HERC5: variants seen among roughly 807,000 people sequenced by gnomAD.
HERC5 encodes the protein HECT and RLD domain containing E3 ubiquitin protein ligase 5.
In HERC5, 99 loss-of-function variants were observed where a neutral mutation model predicts 119.6. That is an observed-to-expected ratio of 0.83 (90% confidence interval 0.70 to 0.98). The LOEUF is 0.98. Ranked by LOEUF, HERC5 falls within the 50% of genes least tolerant of loss-of-function variation. The probability of loss-of-function intolerance (pLI) is 0.00; values close to 1 mark genes in which losing one functional copy is unlikely to be tolerated. For synonymous variants in HERC5, 478 were observed against 445.9 expected (o/e 1.07, Z -0.91); for missense variants, 1,267 against 1,241.3 (o/e 1.02, Z -0.31).
In HERC5 at chr4:88,459,398, C is replaced by T. The variant is rs370884693; in HGVS notation, c.317C>T (p.Ala106Val). ...AAGATACATTCCGTGGACCAAGGAG[C>T]AGAGCACATGCTGATTCTCTCATCA... is the stretch of plus-strand genomic sequence containing the variant. ...NMKIHSVDQGAEHMLILSSDG... is the reference protein window; with the variant it reads ...NMKIHSVDQGVEHMLILSSDG... Residue 106 changes from alanine to valine, a missense_variant, in exon 2 of 23, where the codon GCA becomes GTA. Transcript: ENST00000264350. 1.3e-6 allele frequency: 2 copies of T among 1,597,630 alleles called. No homozygotes were observed. Among genetic ancestry groups the T allele is most frequent in the East Asian group, 2.3e-5 (1 of 44,172 alleles).
intron 18 of HERC5, among the ~76,000 whole-genome samples, chr4:88,499,425 C>T (rs1391450562): frequency 6.6e-6 from 1 of 152,198 alleles, no homozygotes; most frequent in Non-Finnish European, 1.5e-5. Flanking sequence ...TCTATTCTCA[C>T]AAATGCCCTG....
At position 88,472,247 on chromosome 4, in the gene HERC5, G is replaced by GA. The variant is rs550506457; in HGVS notation, c.1299-156dup. On this transcript the variant is annotated intron_variant, in intron 10 of 22. Coordinates refer to ENST00000264350, the MANE Select transcript of HERC5 (RefSeq NM_016323.4). ...AGCCTTGATATTTTTTGGTATTTTA[G>GA]AAAAAATCATGTTTACTACATTGCA... is the stretch of plus-strand genomic sequence containing the variant. Among the ~76,000 whole-genome samples, 79 of 152,110 alleles carry GA rather than the reference G, an allele frequency of 5.2e-4. 1 individual carries two copies. In the South Asian group the frequency reaches 0.016, roughly 30 times the overall value.
At chr4:88,472,566 A>G (rs747348644) in intron 11 of HERC5, 64 bp downstream of exon 11, 2 of 941,472 alleles carry the variant, frequency 2.1e-6, no homozygotes, top group Admixed American at 2.1e-5. Flanking sequence ...AGAACTCAAA[A>G]TTTCAGAAGA....
intron 11 of HERC5, among the ~76,000 whole-genome samples, chr4:88,475,596 C>T (rs1741035248): frequency 6.6e-6 from 1 of 152,092 alleles, no homozygotes; most frequent in Admixed American, 6.6e-5. Context: ...GTTAGGTGTG[C>T]TTGATCTCCT....
Position 88,504,306 on chromosome 4 carries a change from G to A in HERC5, c.2657G>A (p.Arg886Lys). Residue 886 changes from arginine to lysine, a missense_variant, in exon 21 of 23, where the codon AGA (arginine) becomes AAA (lysine). Physicochemically the swap from Arg to Lys is conservative, Grantham distance 26. Around this residue, in one of 3 missense-constraint regions of HERC5, gnomAD observed 473 missense variants for 445.7 expected, o/e 1.06. Coordinates refer to ENST00000264350, the MANE Select transcript of HERC5 (RefSeq NM_016323.4). ...SVKAVYEEFR[R>K]GFYKMCDEDI... is the part of the protein sequence containing the mutation. Reference sequence around the variant, plus strand: ...AAGGCGGTTTATGAAGAATTTCGGAGAGGATTTTATAAAATGTGCGACGAA... The same window carrying A: ...AAGGCGGTTTATGAAGAATTTCGGAAAGGATTTTATAAAATGTGCGACGAA... 6.2e-7 allele frequency: 1 copy of A among 1,613,092 alleles called. No homozygotes were observed. Among genetic ancestry groups the A allele is most frequent in the Non-Finnish European group, 8.5e-7 (1 of 1,179,164 alleles).
chr4:88,505,283 C>T (rs1742071480), intron 22 of HERC5, among the ~76,000 whole-genome samples: 2 of 152,142 alleles, frequency 1.3e-5, no homozygotes, highest in African/African-American at 2.4e-5. Context: ...CCTTTCCATC[C>T]TTAAAGGTCC....
Position 88,463,985 on chromosome 4 carries a change from G to A in HERC5, c.911G>A (p.Arg304Lys). 2 of 1,611,018 alleles carry A rather than the reference G, an allele frequency of 1.2e-6. No individual in the cohort carries two copies. Among genetic ancestry groups the A allele is most frequent in the South Asian group, 1.1e-5 (1 of 90,454 alleles). The change falls in exon 6 of 23, where the codon AGG becomes AAG. Residue 304 changes from arginine (R) to lysine (K), a missense_variant and splice_region_variant. Around this residue, in one of 3 missense-constraint regions of HERC5, gnomAD observed 777 missense variants for 758.0 expected, o/e 1.03. Transcript: ENST00000264350. ...GYRVTQIACG[R>K]WHTLAYVSDL... ...AGAGTGACTCAGATAGCATGTGGAA[G>A]GTAAGTTGTAAAGTATCAATAAGAA...
chr4:88,489,017 T>C (rs1336425938), intron 15 of HERC5, 149 bp from the exon 16 acceptor site: 2 of 570,450 alleles, frequency 3.5e-6, no homozygotes, highest in Non-Finnish European at 6.1e-6. Context: ...ACTGATGTTA[T>C]CATTTATCTT....
chr4:88,500,713 G>C (rs1741922506), intron 19 of HERC5, among the ~76,000 whole-genome samples: 1 of 152,204 alleles, frequency 6.6e-6, no homozygotes, highest in Non-Finnish European at 1.5e-5. Flanking sequence ...TAAAATAAGA[G>C]AATTCAAGCT....
chr4:88,462,148 T>C lies in HERC5; in HGVS notation c.480T>C (p.Phe160=), dbSNP rs766373374. ...GTTTATGTCAAGGTGGTGAGCTTTT[T>C]GCCTGGGGACAGAACCTGCATGGGC... ...SLALSKGGEL[F]AWGQNLHGQL... is the part of the protein sequence containing the mutation. The change falls in exon 4 of 23, where the codon TTT becomes TTC. Residue 160 remains phenylalanine (F), a synonymous_variant. Coordinates refer to ENST00000264350, the MANE Select transcript of HERC5 (RefSeq NM_016323.4). 1 of 1,613,874 alleles carries C rather than the reference T, an allele frequency of 6.2e-7. No homozygotes were observed.
chr4:88,463,811 T>A (rs1448998985), intron 5 of HERC5, 44 bp from the exon 6 acceptor site: 13 of 1,605,664 alleles, frequency 8.1e-6, no homozygotes, highest in East Asian at 6.7e-5. Context: ...ACTACTTTTT[T>A]ATTTTATTTT....
Position 88,493,136 on chromosome 4 carries a change from G to T in HERC5, c.2258G>T (p.Cys753Phe), listed in dbSNP as rs557500751. Residue 753 changes from cysteine to phenylalanine, a missense_variant, in exon 17 of 23, where the codon TGC becomes TTC. Physicochemically the swap from Cys to Phe is radical, Grantham distance 205. Around this residue, in one of 3 missense-constraint regions of HERC5, gnomAD observed 473 missense variants for 445.7 expected, o/e 1.06. Transcript: ENST00000264350. Reference sequence around the variant, plus strand: ...TTCATGTATCCTGAAGGGGCTTCCTGCATGTGGTTTCCTGTCAAGGTAAGT... The same window carrying T: ...TTCATGTATCCTGAAGGGGCTTCCTTCATGTGGTTTCCTGTCAAGGTAAGT... ...GMFMYPEGAS[C>F]MWFPVKPKFE... 5.1e-5 allele frequency: 83 copies of T among 1,613,694 alleles called. No individual in the cohort carries two copies. The South Asian group carries it at 8.7e-4, about 17-fold the overall frequency.
At chr4:88,495,761 A>C (rs1204841613) in intron 18 of HERC5, among the ~76,000 whole-genome samples, 2 of 152,206 alleles carry the variant, frequency 1.3e-5, no homozygotes, top group African/African-American at 4.8e-5. Flanking sequence ...AGGAAAAAAA[A>C]ATCAAAAGCA....
rs2149080686 is a variant in HERC5 at position 88,457,824 on chromosome 4, T to C, written c.265+290T>C. ...CTTCATCCTTTTAGCCAGTCTGGCT[T>C]TCTCATAGGTTTCTGTTCAAGTTTG... On this transcript the variant is annotated intron_variant, in intron 1 of 22. Transcript: ENST00000264350. 6.1e-6 allele frequency: 5 copies of C among 816,024 alleles called. No individual in the cohort carries two copies. In the South Asian group the frequency reaches 3.2e-4, roughly 52 times the overall value. 50.5% of individuals were successfully genotyped at this position (816,024 alleles called of 1,614,324 possible).
At chr4:88,494,931 G>A (rs1024710825) in intron 18 of HERC5, among the ~76,000 whole-genome samples, 2 of 152,194 alleles carry the variant, frequency 1.3e-5, no homozygotes, top group Non-Finnish European at 2.9e-5. Flanking sequence ...AAGTGTTGAT[G>A]CTATATAGTA....
In HERC5 at chr4:88,505,903, ATTTTG is replaced by A; in HGVS notation, c.*28_*32del. On this transcript the variant is annotated 3_prime_UTR_variant, in exon 23 of 23. Coordinates refer to ENST00000264350, the MANE Select transcript of HERC5 (RefSeq NM_016323.4). Reference sequence around the variant, plus strand: ...ACCAGCTTGCTTGTCCAACAGCCTTATTTTGTTGTTGTTATCGTTGTTGTTGTTGT... The same window carrying A: ...ACCAGCTTGCTTGTCCAACAGCCTTATTGTTGTTATCGTTGTTGTTGTTGT... The A allele has an allele frequency of 6.4e-7, 1 of 1,553,058 alleles. No individual in the cohort carries two copies. Among genetic ancestry groups the A allele is most frequent in the Non-Finnish European group, 8.8e-7 (1 of 1,135,882 alleles).
intron 13 of HERC5, among the ~76,000 whole-genome samples, chr4:88,483,829 C>T (rs1741368927): frequency 6.6e-6 from 1 of 152,154 alleles, no homozygotes; most frequent in Admixed American, 6.5e-5. Flanking sequence ...TGCGCCTGGC[C>T]TTCTATTAGG....
chr4:88,480,444 GTT>G (rs563743483), intron 13 of HERC5, among the ~76,000 whole-genome samples: 1 of 142,172 alleles, frequency 7.0e-6, no homozygotes, highest in Non-Finnish European at 1.5e-5. Flanking sequence ...TCTTGTGTGT[GTT>G]TTTTTTTTTT....
At chr4:88,468,016 T>G (rs1740735693) in intron 7 of HERC5, 1 of 358,110 alleles carries the variant, frequency 2.8e-6, no homozygotes, top group Non-Finnish European at 3.9e-6. Context: ...ATTGCTTAAA[T>G]CTTGAAAACA....
Sources: allele counts gnomAD v4.1 joint callset (sites outside exome capture counted in the v4.1 genomes callset), GRCh38; gene constraint gnomAD v4.1.1; regional missense constraint gnomAD v4.1.1; transcripts MANE v1.5; gene names NCBI Gene and HGNC (gene_info 2026-07-23, HGNC 2026-07-21).